Variants in NR1H4 observed in about 807,000 individuals in gnomAD.
The protein encoded by NR1H4 is nuclear receptor subfamily 1 group H member 4.
NR1H4 carries 23 observed loss-of-function variants against 58.5 expected under a neutral mutation model. The observed-to-expected ratio is 0.39, with a 90% CI of 0.28 to 0.56. NR1H4 has a LOEUF of 0.56. Ranked by LOEUF, NR1H4 falls within the 20% of genes least tolerant of loss-of-function variation. NR1H4 has a pLI of 0.58. For missense variants in NR1H4, 487 were observed against 576.9 expected (o/e 0.84, Z 1.60); for synonymous variants, 214 against 198.0 (o/e 1.08, Z -0.68).
chr12:100,554,199 G>C (rs1955270541), intron 9 of NR1H4, among the ~76,000 whole-genome samples: 1 of 152,176 alleles, frequency 6.6e-6, no homozygotes, highest in African/African-American at 2.4e-5. Context: ...GCCGTGTCAG[G>C]GATTTATACC....
At chr12:100,540,601 T>G (rs1284147811) in intron 8 of NR1H4, 71 bp from the exon 9 acceptor site, 2 of 1,509,442 alleles carry the variant, frequency 1.3e-6, no homozygotes, top group Admixed American at 1.7e-5. Flanking sequence ...AAATGTTTTA[T>G]CAATGGCAAT....
chr12:100,547,981 A>G (rs2136280049), intron 9 of NR1H4, among the ~76,000 whole-genome samples: 1 of 150,700 alleles, frequency 6.6e-6, no homozygotes, highest in East Asian at 2.0e-4. Flanking sequence ...TGGCCTCCCA[A>G]AGTGCTGGGA....
intron 1 of NR1H4, among the ~76,000 whole-genome samples, chr12:100,482,689 T>C (rs1566425863): frequency 6.6e-6 from 1 of 152,192 alleles, no homozygotes; most frequent in East Asian, 1.9e-4. Flanking sequence ...GAGTTTGTGC[T>C]AATCAAGGAG....
At chr12:100,537,471 C>A (rs1403911646) in intron 8 of NR1H4, among the ~76,000 whole-genome samples, 1 of 152,074 alleles carries the variant, frequency 6.6e-6, no homozygotes, top group Non-Finnish European at 1.5e-5. Flanking sequence ...ATACTAAGTG[C>A]CTGGCTATTA....
intron 3 of NR1H4, among the ~76,000 whole-genome samples, chr12:100,497,345 A>G (rs574207674): frequency 1.2e-4 from 18 of 152,286 alleles, no homozygotes; most frequent in East Asian, 9.7e-4. Context: ...TTGAAATGAC[A>G]GGTGGTCAGC....
chr12:100,482,635 C>T (rs1245664411), intron 1 of NR1H4, among the ~76,000 whole-genome samples: 1 of 152,148 alleles, frequency 6.6e-6, no homozygotes, highest in East Asian at 1.9e-4. Flanking sequence ...ACAATGGTAA[C>T]ACCACTGCAA....
At chr12:100,523,536 CT>C (rs1160842056) in intron 4 of NR1H4, among the ~76,000 whole-genome samples, 1 of 152,066 alleles carries the variant, frequency 6.6e-6, no homozygotes, top group Non-Finnish European at 1.5e-5. Context: ...ATTTATTTTG[CT>C]GTGTAGAATC....
rs1233635818 is a variant in NR1H4 at position 100,532,475 on chromosome 12, A to G, written c.463A>G (p.Ile155Val). ...TCCCACAGGTTTCTTCAGGAGAAGC[A>G]TTACCAAAAACGCTGTGTACAAGTG... ...EGCKGFFRRS[I>V]TKNAVYKCKN... Residue 155 changes from isoleucine to valine, a missense_variant, in exon 5 of 11, where the codon ATT becomes GTT. Physicochemically the swap from Ile to Val is conservative, Grantham distance 29. Transcript: ENST00000392986. 6 of 1,614,158 alleles carry G rather than the reference A, an allele frequency of 3.7e-6. No homozygotes were observed. Among genetic ancestry groups the G allele is most frequent in the East Asian group, 2.2e-5 (1 of 44,884 alleles).
intron 5 of NR1H4, among the ~76,000 whole-genome samples, chr12:100,534,308 T>A (rs1412885771): frequency 6.6e-6 from 1 of 152,260 alleles, no homozygotes; most frequent in African/African-American, 2.4e-5. Context: ...GAATTGGCAC[T>A]GTTCTTAAAA....
intron 3 of NR1H4, chr12:100,500,136 G>C: frequency 2.9e-6 from 1 of 339,724 alleles, no homozygotes; most frequent in Admixed American, 3.9e-5. Flanking sequence ...ATATAATCAG[G>C]ACAAGGAAAC....
At chr12:100,502,730 A>T (rs1953863256) in intron 3 of NR1H4, among the ~76,000 whole-genome samples, 1 of 152,206 alleles carries the variant, frequency 6.6e-6, no homozygotes, top group Non-Finnish European at 1.5e-5. Context: ...TGCATGAGAT[A>T]TTCAGTTCTT....
chr12:100,554,767 C>T (rs1955286255), intron 9 of NR1H4, among the ~76,000 whole-genome samples: 1 of 152,104 alleles, frequency 6.6e-6, no homozygotes, highest in Non-Finnish European at 1.5e-5. Context: ...AGCAATTCTC[C>T]AGGAAGAAGG....
chr12:100,500,951 G>C (rs2136123174), intron 3 of NR1H4, among the ~76,000 whole-genome samples: 1 of 152,146 alleles, frequency 6.6e-6, no homozygotes, highest in East Asian at 1.9e-4. Flanking sequence ...AGTGGCTACT[G>C]TTTTAGACAG....
intron 9 of NR1H4, among the ~76,000 whole-genome samples, chr12:100,561,568 A>G (rs1955474870): frequency 6.6e-6 from 1 of 152,190 alleles, no homozygotes; most frequent in Admixed American, 6.5e-5. Context: ...CATCTGGAAA[A>G]TGGAGACGTT....
At chr12:100,510,608 TA>T (rs1403283274) in intron 3 of NR1H4, among the ~76,000 whole-genome samples, 169 bp from the exon 4 acceptor site, 3 of 50,170 alleles carry the variant, frequency 6.0e-5, no homozygotes, top group African/African-American at 1.5e-4. Flanking sequence ...CATTTAATTT[TA>T]TATATATATA....
chr12:100,527,448 G>A (rs561472946), intron 4 of NR1H4, among the ~76,000 whole-genome samples: 95 of 152,310 alleles, frequency 6.2e-4, no homozygotes, highest in South Asian at 5.2e-3. Flanking sequence ...TGAGAGGATC[G>A]CTTGAGCCCA....
chr12:100,507,121 A>G (rs776341879), intron 3 of NR1H4, among the ~76,000 whole-genome samples: 2 of 152,312 alleles, frequency 1.3e-5, no homozygotes, highest in Middle Eastern at 3.4e-3. Flanking sequence ...ATCTTGGGCA[A>G]ATTACTTAAC....
At chr12:100,533,385 C>G (rs1353087100) in intron 5 of NR1H4, among the ~76,000 whole-genome samples, 2 of 152,118 alleles carry the variant, frequency 1.3e-5, no homozygotes, top group Non-Finnish European at 2.9e-5. Context: ...GAAATAAAAG[C>G]CTTCAGAAGG....
At chr12:100,542,277 ATGGAGGTTGCAGTGAGTCAAGATCG>A (rs1840128289) in intron 9 of NR1H4, among the ~76,000 whole-genome samples, 2 of 152,070 alleles carry the variant, frequency 1.3e-5, no homozygotes, top group African/African-American at 4.8e-5. Flanking sequence ...AACTTGGGAG[ATGGAGGTTGCAGTGAGTCAAGATCG>A]TGCCACCACA....
Sources: gnomAD v4.1 joint callset for allele counts (sites outside exome capture counted in the v4.1 genomes callset) on GRCh38, gnomAD v4.1.1 for gene constraint, MANE v1.5 for transcripts, NCBI Gene and HGNC (gene_info 2026-07-23, HGNC 2026-07-21) for gene names.